The following FAM153A variants were observed in gnomAD, a reference collection of about 807,000 sequenced individuals.
The protein encoded by FAM153A is family with sequence similarity 153 member A, also known as protein FAM153A.
Under a neutral mutation model 48.1 loss-of-function variants are expected in FAM153A, and 12 were observed. The ratio of observed to expected loss-of-function variants is 0.25; its 90% confidence interval spans 0.16 to 0.40. The LOEUF (loss-of-function observed/expected upper bound fraction) is 0.40, where lower values mean the gene tolerates loss of function less well. Ranked by LOEUF, FAM153A falls within the 10% of genes least tolerant of loss-of-function variation. The probability of loss-of-function intolerance (pLI) is 1.00; values close to 1 mark genes in which losing one functional copy is unlikely to be tolerated. For synonymous variants in FAM153A, 36 were observed against 118.2 expected (o/e 0.30, Z 4.51); for missense variants, 111 against 345.8 (o/e 0.32, Z 5.38).
intron 1 of FAM153A, among the ~76,000 whole-genome samples, chr5:177,779,338 G>A (rs985522520): frequency 2.3e-4 from 30 of 128,446 alleles, no homozygotes; most frequent in Admixed American, 2.2e-3. Context: ...GTATGTGCAC[G>A]TGTGTGTGTA....
chr5:177,749,739 A>C (rs531915257), intron 2 of FAM153A, among the ~76,000 whole-genome samples: 1,627 of 137,864 alleles, frequency 0.012, 37 homozygotes, highest in African/African-American at 0.041. Flanking sequence ...TAACCACCCA[A>C]AGGAGAGATA....
chr5:177,723,209 A>G (rs950492162), downstream of FAM153A: 3 of 135,614 alleles, frequency 2.2e-5, no homozygotes, highest in East Asian at 2.3e-4. Flanking sequence ...TCCCCACCGG[A>G]CCTGTCTTTG....
At chr5:177,695,073 G>A in the FAM153A span, among the ~76,000 whole-genome samples, 1 of 131,702 alleles carries the variant, frequency 7.6e-6, no homozygotes, top group Non-Finnish European at 1.6e-5. Flanking sequence ...ATAGGCGCAT[G>A]CCACCATGCC....
the FAM153A span, among the ~76,000 whole-genome samples, chr5:177,699,650 A>G: frequency 6.6e-6 from 1 of 152,284 alleles, no homozygotes; most frequent in Non-Finnish European, 1.5e-5. Flanking sequence ...ACTGAAATTG[A>G]CTCAAGAAGA....
upstream of FAM153A, chr5:177,753,323 T>C (rs1334874560): frequency 1.2e-6 from 1 of 868,172 alleles, no homozygotes; most frequent in Non-Finnish European, 1.8e-6. Flanking sequence ...CAGGTCACAG[T>C]AGAATTTTCG....
chr5:177,713,057 G>GA (rs1410604287), exon 27 of FAM153A: 1 of 151,900 alleles, frequency 6.6e-6, no homozygotes, highest in East Asian at 1.9e-4. Flanking sequence ...CAAAATCAAT[G>GA]AAATGTCTGA....
chr5:177,710,445 A>G (rs1239071137), downstream of FAM153A, among the ~76,000 whole-genome samples: 1 of 151,692 alleles, frequency 6.6e-6, no homozygotes, highest in Non-Finnish European at 1.5e-5. Flanking sequence ...TATTGATTTC[A>G]GGCCTGTTTT....
chr5:177,728,589 G>A (rs1763123091), intron 18 of FAM153A, among the ~76,000 whole-genome samples: 1 of 143,110 alleles, frequency 7.0e-6, no homozygotes. Context: ...TTTTTTTTGA[G>A]ACGGAGTTTC....
chr5:177,769,026 A>G lies in FAM153A; in HGVS notation c.-57+11423T>C, dbSNP rs1768938348. Among the ~76,000 whole-genome samples the G allele has an allele frequency of 3.4e-5, 3 of 88,190 alleles. 1 individual carries two copies. The highest frequency in any genetic ancestry group is 1.4e-4 in the African/African-American group (3 of 21,658). The allele number at this position is 88,190 out of a possible 152,430, so 57.9% of individuals were successfully genotyped here. The stretch of plus-strand genomic sequence containing the variant: ...ATCACGAGGTCAGGAGATCAAGACC[A>G]TCCTGGCTAACATGGTGAAACCCCA... On this transcript the variant is annotated intron_variant, in intron 1 of 8. Coordinates refer to the FAM153A transcript ENST00000393518.
At chr5:177,743,199 T>TG (rs1765569855) in intron 6 of FAM153A, among the ~76,000 whole-genome samples, 3 of 66,034 alleles carry the variant, frequency 4.5e-5, no homozygotes, top group African/African-American at 1.6e-4. Context: ...TGTTTTTTTT[T>TG]TGTTTTGTTT....
At chr5:177,738,010 T>G (rs1384213312) in intron 10 of FAM153A, among the ~76,000 whole-genome samples, 1 of 151,656 alleles carries the variant, frequency 6.6e-6, no homozygotes, top group African/African-American at 2.4e-5. Context: ...CCCTTCCTTT[T>G]AACACAGTGT....
At chr5:177,757,205 C>T (rs374794957), upstream of FAM153A, among the ~76,000 whole-genome samples, 174 of 95,296 alleles carry the variant, frequency 1.8e-3, no homozygotes, top group African/African-American at 6.2e-3. Context: ...CTATAAACAC[C>T]GCTACACAAA....
intron 8 of FAM153A, 120 bp downstream of exon 10, chr5:177,740,657 G>A (rs1336341292): frequency 1.8e-6 from 1 of 558,670 alleles, no homozygotes. Context: ...TCAAGGCTTA[G>A]GTGCAGCAAA....
intron 18 of FAM153A, among the ~76,000 whole-genome samples, chr5:177,728,667 A>C (rs549220194): frequency 0.082 from 12,330 of 149,992 alleles, 726 homozygotes; most frequent in African/African-American, 0.089. Flanking sequence ...ACCTGGGTTC[A>C]GGTGATTCTC....
intron 16 of FAM153A, among the ~76,000 whole-genome samples, chr5:177,730,538 C>T (rs1304634021): frequency 9.6e-6 from 1 of 104,388 alleles, no homozygotes; most frequent in African/African-American, 3.4e-5. Flanking sequence ...GCCCACTGCG[C>T]AATGTACCTA....
upstream of FAM153A, among the ~76,000 whole-genome samples, chr5:177,755,239 T>A (rs1230042724): frequency 6.6e-6 from 1 of 151,686 alleles, no homozygotes; most frequent in African/African-American, 2.4e-5. Context: ...GTATCAGTGA[T>A]GGAAAATCAA....
intron 1 of FAM153A, among the ~76,000 whole-genome samples, chr5:177,766,017 T>C (rs1768724080): frequency 9.3e-6 from 1 of 108,038 alleles, no homozygotes; most frequent in African/African-American, 3.0e-5. Context: ...CTCAGGAGGC[T>C]GAGGCAGGAG....
At chr5:177,739,254 G>A (rs1349209174) in intron 9 of FAM153A, 117 bp from the exon 12 acceptor site, 33 of 1,032,502 alleles carry the variant, frequency 3.2e-5, no homozygotes, top group Non-Finnish European at 5.8e-6. Flanking sequence ...TGGAGGCAAT[G>A]GCCACAAAAA....
At chr5:177,705,658 C>CTTTTTT (rs70994931), downstream of FAM153A, among the ~76,000 whole-genome samples, 75 of 79,792 alleles carry the variant, frequency 9.4e-4, no homozygotes, top group African/African-American at 1.1e-3. Context: ...TTTTCTTTTT[C>CTTTTTT]TTTTTTTTTT....
Sources: gnomAD v4.1 joint callset for allele counts (sites outside exome capture counted in the v4.1 genomes callset) on GRCh38, gnomAD v4.1.1 for gene constraint, MANE v1.5 for transcripts, NCBI Gene and HGNC (gene_info 2026-07-23, HGNC 2026-07-21) for gene names.